The following COL6A6 variants were observed in gnomAD, a reference collection of about 807,000 sequenced individuals.
COL6A6 encodes collagen alpha-6(VI) chain.
COL6A6 carries 183 observed loss-of-function variants against 208.6 expected under a neutral mutation model. The ratio of observed to expected loss-of-function variants is 0.88; its 90% CI spans 0.78 to 0.99. The LOEUF (loss-of-function observed/expected upper bound fraction) is 0.99. Ranked by LOEUF, COL6A6 falls within the 50% of genes least tolerant of loss-of-function variation. COL6A6 has a pLI of 0.00. For synonymous variants in COL6A6, 973 were observed against 1,011.8 expected, an observed-to-expected ratio of 0.96 and a Z score of 0.73; for missense variants, 2,816 against 2,815.2, an observed-to-expected ratio of 1.00 and a Z score of -0.01.
At chr3:130,634,217 ATAAATAAATAAATAAATAAATAAAT>A (rs2065033449) in intron 26 of COL6A6, among the ~76,000 whole-genome samples, 1 of 55,746 alleles carries the variant, frequency 1.8e-5, no homozygotes, top group Non-Finnish European at 2.6e-5. Context: ...AAAAAAATAA[ATAAATAAATAAATAAATAAATAAAT>A]AAAAAAAAAA....
At chr3:130,653,356 T>C (rs1048174435) in intron 33 of COL6A6, among the ~76,000 whole-genome samples, 1 of 152,176 alleles carries the variant, frequency 6.6e-6, no homozygotes, top group Non-Finnish European at 1.5e-5. Context: ...AGAGTTGAAA[T>C]GGGGGGAGAC....
At position 130,568,375 on chromosome 3, in the gene COL6A6, G is replaced by A. The variant is rs551696966; in HGVS notation, c.2172G>A (p.Lys724=). The part of the protein sequence containing the change: ...PTKGARPNIR[K]FLILITDGEA... ...AGGGCGCCCGGCCCAACATCAGAAA[G>A]TTTCTCATCCTCATCACGGATGGTG... Residue 724 remains lysine, a synonymous_variant, in exon 6 of 37, where the codon AAG becomes AAA. Coordinates refer to ENST00000358511, the MANE Select transcript of COL6A6 (RefSeq NM_001102608.3). 5 of 1,613,978 alleles carry A rather than the reference G, an allele frequency of 3.1e-6. No homozygotes were observed. Among genetic ancestry groups the A allele is most frequent in the African/African-American group, 2.7e-5 (2 of 75,024 alleles).
chr3:130,537,458 C>T (rs1056497263), intron 1 of COL6A6, among the ~76,000 whole-genome samples: 5 of 152,208 alleles, frequency 3.3e-5, no homozygotes, highest in Admixed American at 3.3e-4. Context: ...GAGTTTCTCT[C>T]TACTTAGTTT....
intron 23 of COL6A6, among the ~76,000 whole-genome samples, chr3:130,618,746 C>G (rs1005954101): frequency 1.7e-4 from 26 of 152,208 alleles, no homozygotes; most frequent in Non-Finnish European, 3.5e-4. Flanking sequence ...TTCTGATTCT[C>G]TAATGGCAAG....
intron 8 of COL6A6, among the ~76,000 whole-genome samples, chr3:130,575,779 A>G (rs2063280118): frequency 6.6e-6 from 1 of 152,198 alleles, no homozygotes. Flanking sequence ...GTTTTCTCTG[A>G]AAATAGCCCG....
rs187765736 is a variant in COL6A6, at chr3:130,565,072, A to G, written c.740A>G (p.Tyr247Cys). 149 of 1,613,968 alleles carry G rather than the reference A, an allele frequency of 9.2e-5. 2 individuals carry two copies. Among genetic ancestry groups the G allele is most frequent in the South Asian group, 5.1e-4 (46 of 91,078 alleles). ...SINGSEENFD[Y>C]LKGFLEESVS... ...AATGGAAGTGAGGAGAACTTTGACT[A>G]TCTTAAAGGATTCTTGGAAGAAAGT... Residue 247 changes from tyrosine to cysteine, a missense_variant, in exon 4 of 37, where the codon TAT becomes TGT. Transcript: ENST00000358511.
At chr3:130,543,598 C>T (rs1218278827) in intron 1 of COL6A6, among the ~76,000 whole-genome samples, 1 of 152,172 alleles carries the variant, frequency 6.6e-6, no homozygotes, top group African/African-American at 2.4e-5. Context: ...AACACTTATA[C>T]TGCTTCATGA....
chr3:130,599,327 A>G (rs1010957001), intron 19 of COL6A6, among the ~76,000 whole-genome samples: 1 of 152,208 alleles, frequency 6.6e-6, no homozygotes, highest in Admixed American at 6.5e-5. Context: ...TCTTTTTATT[A>G]TGAGACTTTA....
intron 1 of COL6A6, among the ~76,000 whole-genome samples, chr3:130,528,447 CA>C (rs2062010437): frequency 6.6e-6 from 1 of 152,174 alleles, no homozygotes; most frequent in African/African-American, 2.4e-5. Flanking sequence ...GCAAGGGTTG[CA>C]AAGTTTTTCT....
intron 1 of COL6A6, among the ~76,000 whole-genome samples, chr3:130,526,162 A>T (rs1181299480): frequency 4.6e-5 from 7 of 152,154 alleles, no homozygotes; most frequent in Non-Finnish European, 1.0e-4. Context: ...ACTATAAAAA[A>T]GGTGGGAGGT....
intron 1 of COL6A6, among the ~76,000 whole-genome samples, chr3:130,522,558 GC>G (rs1195682102): frequency 6.6e-6 from 1 of 152,058 alleles, no homozygotes; most frequent in African/African-American, 2.4e-5. Flanking sequence ...AATCCATACC[GC>G]CAGGCCAGAC....
intron 1 of COL6A6, among the ~76,000 whole-genome samples, chr3:130,531,061 G>GTCTCTCTCTCTC (rs10662894): frequency 3.6e-4 from 49 of 136,652 alleles, no homozygotes; most frequent in African/African-American, 1.4e-3. Flanking sequence ...CACACACACA[G>GTCTCTCTCTCTC]TCTCTCTCTC....
At chr3:130,625,608 C>T (rs988052575) in intron 24 of COL6A6, among the ~76,000 whole-genome samples, 1 of 152,082 alleles carries the variant, frequency 6.6e-6, no homozygotes, top group Non-Finnish European at 1.5e-5. Context: ...GACTGCCTGG[C>T]CAATACTTCT....
rs954917867 is a variant in COL6A6, at chr3:130,649,174, T to A, written c.5345T>A (p.Phe1782Tyr). ...EFERMKEMMA[F>Y]LVRDIKVREN... ...GAGCGGATGAAGGAGATGATGGCTT[T>A]CCTGGTGAGAGACATTAAGGTCCGG... is the stretch of plus-strand genomic sequence containing the variant. The change falls in exon 33 of 37, where the codon TTC becomes TAC. Residue 1782 changes from phenylalanine (F) to tyrosine (Y), a missense_variant. By Grantham distance (22) the Phe-to-Tyr change is conservative (BLOSUM62 3). Coordinates refer to ENST00000358511, the MANE Select transcript of COL6A6 (RefSeq NM_001102608.3). 1 of 1,595,412 alleles carries A rather than the reference T, an allele frequency of 6.3e-7. No homozygotes were observed. The highest frequency in any genetic ancestry group is 8.5e-7 in the Non-Finnish European group (1 of 1,170,608).
chr3:130,523,767 G>A (rs1451100149), intron 1 of COL6A6, among the ~76,000 whole-genome samples: 1 of 152,276 alleles, frequency 6.6e-6, no homozygotes, highest in South Asian at 2.1e-4. Context: ...GTATCATTTA[G>A]CTAAAAGCTA....
chr3:130,592,669 T>C (rs751520205), intron 14 of COL6A6, 27 bp from the exon 15 acceptor site: 1 of 1,612,750 alleles, frequency 6.2e-7, no homozygotes, highest in Non-Finnish European at 8.5e-7. Flanking sequence ...TTTCCTACAC[T>C]AACTATAACT....
At chr3:130,590,362 G>A (rs2063674376) in intron 12 of COL6A6, among the ~76,000 whole-genome samples, 1 of 114,146 alleles carries the variant, frequency 8.8e-6, no homozygotes, top group Admixed American at 1.1e-4. Flanking sequence ...TGCACAACGT[G>A]CAGGTCTTTT....
chr3:130,584,216 AAC>A (rs2063485493), intron 10 of COL6A6, among the ~76,000 whole-genome samples: 1 of 152,214 alleles, frequency 6.6e-6, no homozygotes, highest in South Asian at 2.1e-4. Flanking sequence ...TCCCAAGAAA[AAC>A]AGTTATAAAT....
At chr3:130,590,290 T>C (rs2063658323) in intron 12 of COL6A6, among the ~76,000 whole-genome samples, 1 of 25,586 alleles carries the variant, frequency 3.9e-5, no homozygotes, top group Non-Finnish European at 7.7e-5. Context: ...TATATATATA[T>C]ATATATATAT....
Sources: allele counts gnomAD v4.1 joint callset (sites outside exome capture counted in the v4.1 genomes callset), GRCh38; gene constraint gnomAD v4.1.1; transcripts MANE v1.5; gene names NCBI Gene and HGNC (gene_info 2026-07-23, HGNC 2026-07-21).